CTTNBP2: variants seen among roughly 807,000 people sequenced by gnomAD.
CTTNBP2 encodes cortactin-binding protein 2.
Under a neutral mutation model 156.9 loss-of-function variants are expected in CTTNBP2, and 108 were observed. The observed-to-expected ratio is 0.69, with a 90% CI of 0.59 to 0.81. The LOEUF (loss-of-function observed/expected upper bound fraction) is 0.81. CTTNBP2 is among the 30% of genes least tolerant of loss of function. The pLI is 0.00. For missense variants in CTTNBP2, 1,924 were observed against 2,035.4 expected (o/e 0.95, Z 1.05); for synonymous variants, 767 against 751.8 (o/e 1.02, Z -0.33).
chr7:117,773,841 C>T (rs1797947876), intron 8 of CTTNBP2, among the ~76,000 whole-genome samples: 1 of 151,998 alleles, frequency 6.6e-6, no homozygotes. Flanking sequence ...TGTTAAAACA[C>T]CCAGGGAGAC....
intron 20 of CTTNBP2, 51 bp from the exon 21 acceptor site, chr7:117,719,687 T>C: frequency 6.5e-7 from 1 of 1,541,590 alleles, no homozygotes; most frequent in South Asian, 1.2e-5. Flanking sequence ...AATTCCCAAT[T>C]TGGAAATCTA....
chr7:117,725,320 C>T (rs34511352), intron 17 of CTTNBP2, 63 bp from the exon 18 acceptor site: 18 of 1,426,308 alleles, frequency 1.3e-5, no homozygotes, highest in South Asian at 4.6e-5. Flanking sequence ...TACACAATTC[C>T]GTGAAAGGAC....
intron 8 of CTTNBP2, among the ~76,000 whole-genome samples, chr7:117,771,505 C>CACT (rs2116723801): frequency 6.6e-6 from 1 of 152,254 alleles, no homozygotes; most frequent in African/African-American, 2.4e-5. Flanking sequence ...CTGTGAAGGG[C>CACT]TGAGTGCTAT....
In CTTNBP2 at chr7:117,784,448, G is replaced by T; in HGVS notation, c.2075C>A (p.Ser692Ter). 2.5e-6 allele frequency: 4 copies of T among 1,588,874 alleles called. No individual in the cohort carries two copies. The South Asian group carries it at 4.6e-5, about 18-fold the overall frequency. ...CATTAGCAAAGGGGTTAGGGAGGGTGACCAGCCTGTAGGTTAAAGTGACCC... is the reference window on the plus strand; with the variant it reads ...CATTAGCAAAGGGGTTAGGGAGGGTTACCAGCCTGTAGGTTAAAGTGACCC... ...DSLLVTASGW[S>*]PSLTPLLMSG... is the part of the protein sequence containing the mutation. The change falls in exon 5 of 23, where the codon TCA (serine) becomes TAA (stop). Residue 692 changes from serine to a stop codon, truncating the protein, a stop_gained. Coordinates refer to ENST00000160373, the MANE Select transcript of CTTNBP2 (RefSeq NM_033427.3). LOFTEE classifies it high-confidence loss of function.
intron 3 of CTTNBP2, among the ~76,000 whole-genome samples, chr7:117,807,084 C>G (rs889748793): frequency 3.6e-4 from 55 of 152,168 alleles, no homozygotes; most frequent in African/African-American, 1.3e-3. Flanking sequence ...ATGGATCAGG[C>G]AAACTGCTCT....
chr7:117,740,311 C>G (rs1467008705), intron 14 of CTTNBP2, among the ~76,000 whole-genome samples: 1 of 147,744 alleles, frequency 6.8e-6, no homozygotes, highest in Non-Finnish European at 1.5e-5. Context: ...ACTTTTGCTA[C>G]TCTTCATTTC....
At chr7:117,870,819 TC>T (rs1415130760) in intron 1 of CTTNBP2, among the ~76,000 whole-genome samples, 1 of 152,218 alleles carries the variant, frequency 6.6e-6, no homozygotes, top group Non-Finnish European at 1.5e-5. Context: ...ATTAATATGA[TC>T]CTATTGAATA....
At chr7:117,846,971 G>T (rs553154483) in intron 2 of CTTNBP2, among the ~76,000 whole-genome samples, 3 of 152,224 alleles carry the variant, frequency 2.0e-5, no homozygotes, top group African/African-American at 7.2e-5. Context: ...CACTTGGTTA[G>T]TTACAACGTA....
chr7:117,759,822 CT>C (rs1797093052), intron 10 of CTTNBP2, among the ~76,000 whole-genome samples: 1 of 152,200 alleles, frequency 6.6e-6, no homozygotes, highest in African/African-American at 2.4e-5. Flanking sequence ...GGTAGTTCTC[CT>C]GGACCAAGAA....
chr7:117,754,929 A>G (rs886323799), intron 12 of CTTNBP2, among the ~76,000 whole-genome samples: 27 of 152,216 alleles, frequency 1.8e-4, no homozygotes, highest in African/African-American at 5.3e-4. Flanking sequence ...TATCATCTTA[A>G]TGGATGAAGG....
rs531070614 is a variant in CTTNBP2, at chr7:117,816,944, G to A, written c.190-5955C>T. Among the ~76,000 whole-genome samples, 90 of 152,096 alleles carry A rather than the reference G, an allele frequency of 5.9e-4. 1 individual carries two copies. The South Asian group carries it at 0.017, about 29-fold the overall frequency. ...GATCAGAATTACTTGAGAATGAAAC[G>A]CACTTTAGGGAAATGAGTCATTATG... On this transcript the variant is annotated intron_variant, in intron 2 of 22. Coordinates refer to ENST00000160373, the MANE Select transcript of CTTNBP2 (RefSeq NM_033427.3).
intron 8 of CTTNBP2, among the ~76,000 whole-genome samples, chr7:117,770,351 T>C (rs1584973754): frequency 1.3e-5 from 2 of 152,268 alleles, no homozygotes; most frequent in African/African-American, 4.8e-5. Flanking sequence ...TAAGGAAGCA[T>C]GAATGTCAGT....
intron 2 of CTTNBP2, among the ~76,000 whole-genome samples, chr7:117,831,012 A>G (rs950919649): frequency 2.6e-5 from 4 of 152,140 alleles, no homozygotes; most frequent in Non-Finnish European, 5.9e-5. Context: ...CTTCAGGGTT[A>G]AAGTGTAATT....
intron 4 of CTTNBP2, chr7:117,786,348 CTCT>C: frequency 2.4e-6 from 1 of 422,538 alleles, no homozygotes; most frequent in Admixed American, 3.0e-5. Flanking sequence ...TACTCATTAG[CTCT>C]TCTTACAAAA....
chr7:117,828,024 G>A (rs186966445), intron 2 of CTTNBP2, among the ~76,000 whole-genome samples: 7 of 152,114 alleles, frequency 4.6e-5, no homozygotes, highest in Admixed American at 2.0e-4. Context: ...GAACCACTGA[G>A]CATCTGGAAA....
intron 2 of CTTNBP2, among the ~76,000 whole-genome samples, chr7:117,834,337 G>A (rs1248515710): frequency 2.0e-5 from 3 of 152,286 alleles, no homozygotes; most frequent in East Asian, 1.9e-4. Flanking sequence ...TTACAGGTGT[G>A]AGCCACCATG....
chr7:117,846,179 C>G (rs1230931690), intron 2 of CTTNBP2, among the ~76,000 whole-genome samples: 1 of 152,008 alleles, frequency 6.6e-6, no homozygotes, highest in African/African-American at 2.4e-5. Context: ...GCCATCCCTA[C>G]TCATAGCTAA....
chr7:117,867,590 G>A (rs1405662951), intron 1 of CTTNBP2, among the ~76,000 whole-genome samples: 1 of 151,976 alleles, frequency 6.6e-6, no homozygotes, highest in Non-Finnish European at 1.5e-5. Flanking sequence ...ACTGCACACA[G>A]TATGAAAACA....
intron 7 of CTTNBP2, among the ~76,000 whole-genome samples, chr7:117,779,044 G>A (rs1165640268): frequency 2.0e-5 from 3 of 152,106 alleles, no homozygotes; most frequent in Non-Finnish European, 2.9e-5. Context: ...TCTCTGGTTT[G>A]GTATCTCATA....
Sources: allele counts gnomAD v4.1 joint callset (sites outside exome capture counted in the v4.1 genomes callset), GRCh38; gene constraint gnomAD v4.1.1; transcripts MANE v1.5; gene names NCBI Gene and HGNC (gene_info 2026-07-23, HGNC 2026-07-21).